EDN1: variants seen among roughly 807,000 people sequenced by gnomAD.
The protein encoded by EDN1 is endothelin 1.
A neutral mutation model predicts 21.7 loss-of-function variants in EDN1; 11 were observed. That is an observed-to-expected ratio of 0.51 (90% CI 0.32 to 0.84). The LOEUF is 0.84. EDN1 is among the 40% of genes least tolerant of loss of function. The pLI is 0.03. For missense variants in EDN1, 244 were observed against 262.3 expected (o/e 0.93, Z 0.48); for synonymous variants, 85 against 90.6 (o/e 0.94, Z 0.35).
chr6:12,274,447 A>G, the EDN1 span, among the ~76,000 whole-genome samples: 1 of 152,216 alleles, frequency 6.6e-6, no homozygotes, highest in Non-Finnish European at 1.5e-5. Context: ...GTAATAGCAC[A>G]TACCTCCCTG....
chr6:12,277,365 G>A, the EDN1 span, among the ~76,000 whole-genome samples: 4,829 of 152,272 alleles, frequency 0.032, 88 homozygotes, highest in Middle Eastern at 0.058. Flanking sequence ...CACCAACTAC[G>A]CACCAGGTAC....
the EDN1 span, among the ~76,000 whole-genome samples, chr6:12,284,000 A>G: frequency 1.3e-5 from 2 of 152,146 alleles, no homozygotes; most frequent in Non-Finnish European, 2.9e-5. Flanking sequence ...TCCTCACCCC[A>G]ATCATTGTTT....
the EDN1 span, among the ~76,000 whole-genome samples, chr6:12,274,136 C>G: frequency 0.033 from 5,099 of 152,262 alleles, 302 homozygotes; most frequent in African/African-American, 0.12. Flanking sequence ...GTCCTTTGCC[C>G]AGTGATTTTT....
the EDN1 span, among the ~76,000 whole-genome samples, chr6:12,252,787 C>T: frequency 2.0e-5 from 3 of 152,034 alleles, no homozygotes; most frequent in Non-Finnish European, 4.4e-5. Context: ...CTATAAGCCA[C>T]GTGCTCTGCA....
At chr6:12,286,105 G>A (rs569570552), upstream of EDN1, among the ~76,000 whole-genome samples, 1 of 152,298 alleles carries the variant, frequency 6.6e-6, no homozygotes, top group Admixed American at 6.5e-5. Flanking sequence ...AAAATGTACA[G>A]GTGGCACCCA....
At chr6:12,234,426 A>G in the EDN1 span, among the ~76,000 whole-genome samples, 1 of 152,236 alleles carries the variant, frequency 6.6e-6, no homozygotes, top group African/African-American at 2.4e-5. Context: ...CTAGATATGT[A>G]TAGTAAGTAG....
At chr6:12,243,482 T>A in the EDN1 span, among the ~76,000 whole-genome samples, 4 of 152,168 alleles carry the variant, frequency 2.6e-5, no homozygotes, top group Non-Finnish European at 5.9e-5. Flanking sequence ...CAACCCATGT[T>A]ATTCAAGGGT....
chr6:12,279,721 T>G, the EDN1 span, among the ~76,000 whole-genome samples: 1 of 152,176 alleles, frequency 6.6e-6, no homozygotes, highest in Non-Finnish European at 1.5e-5. Context: ...AAAAAAACTA[T>G]CTGGTGAAAT....
chr6:12,285,408 T>G (rs1326581857), upstream of EDN1, among the ~76,000 whole-genome samples: 1 of 152,122 alleles, frequency 6.6e-6, no homozygotes, highest in East Asian at 1.9e-4. Flanking sequence ...TGTGGAATAT[T>G]TGAAAGTTAT....
chr6:12,296,052 C>T lies in EDN1; in HGVS notation c.624C>T (p.Asn208=), dbSNP rs1274708059. The T allele has an allele frequency of 1.9e-6, 3 of 1,613,918 alleles. No homozygotes were observed. The African/African-American group carries it at 4.0e-5, about 22-fold the overall frequency. ...CCAGAGAGCGTTATGTGACCCACAA[C>T]CGAGCACATTGGTGACAGACCTTCG... ...KPSRERYVTH[N]RAHW is the part of the protein sequence containing the mutation. Residue 208 remains asparagine (N), a synonymous_variant, in exon 5 of 5, where the codon AAC becomes AAT. Transcript: ENST00000379375.
the EDN1 span, among the ~76,000 whole-genome samples, chr6:12,283,064 A>G: frequency 3.3e-5 from 5 of 152,238 alleles, no homozygotes; most frequent in African/African-American, 4.8e-5. Flanking sequence ...AAAAGAACAA[A>G]TGGAAAAAAG....
chr6:12,282,636 C>T, the EDN1 span, among the ~76,000 whole-genome samples: 3 of 152,158 alleles, frequency 2.0e-5, no homozygotes, highest in Non-Finnish European at 4.4e-5. Context: ...AAAAGTAAGT[C>T]TTCAGTACTG....
At chr6:12,282,524 A>G in the EDN1 span, among the ~76,000 whole-genome samples, 1 of 152,218 alleles carries the variant, frequency 6.6e-6, no homozygotes, top group South Asian at 2.1e-4. Context: ...CTCACACTCC[A>G]GGAAGAAGGG....
At chr6:12,285,076 A>G in the EDN1 span, among the ~76,000 whole-genome samples, 7 of 152,180 alleles carry the variant, frequency 4.6e-5, no homozygotes, top group Non-Finnish European at 1.0e-4. Context: ...ATATGATTCT[A>G]ATATTAATAA....
Position 12,296,273 on chromosome 6 carries a change from GCTTTGGTCTCTT to G in EDN1, c.*211_*222del. 1.8e-6 allele frequency: 1 copy of G among 551,798 alleles called. No individual in the cohort carries two copies. 34.2% of individuals were successfully genotyped at this position (551,798 alleles called of 1,614,324 possible). On this transcript the variant is annotated 3_prime_UTR_variant, in exon 5 of 5. Transcript: ENST00000379375. ...TCACTGGCTTCCATCAGTGGTAACT[GCTTTGGTCTCTT>G]CTTTCATCTGGGGATGACAATGGAC...
chr6:12,284,567 C>A, the EDN1 span, among the ~76,000 whole-genome samples: 3 of 107,202 alleles, frequency 2.8e-5, no homozygotes, highest in African/African-American at 7.8e-5. Context: ...GAAGGAAAAG[C>A]AAGCAAGCAA....
the EDN1 span, among the ~76,000 whole-genome samples, chr6:12,278,159 A>G: frequency 8.9e-4 from 136 of 152,356 alleles, no homozygotes; most frequent in African/African-American, 3.2e-3. Flanking sequence ...GCTAAAAAGT[A>G]TCTAGGAAGA....
the EDN1 span, among the ~76,000 whole-genome samples, chr6:12,282,751 A>G: frequency 6.6e-6 from 1 of 152,190 alleles, no homozygotes; most frequent in Non-Finnish European, 1.5e-5. Context: ...CATTTCTCTA[A>G]AATAAACCAA....
the EDN1 span, among the ~76,000 whole-genome samples, chr6:12,256,526 CT>C: frequency 2.0e-5 from 3 of 152,186 alleles, no homozygotes; most frequent in African/African-American, 7.2e-5. Flanking sequence ...CCTGGGGTCC[CT>C]TTGCTGGAGC....
Sources: gnomAD v4.1 joint callset for allele counts (sites outside exome capture counted in the v4.1 genomes callset) on GRCh38, gnomAD v4.1.1 for gene constraint, MANE v1.5 for transcripts, NCBI Gene and HGNC (gene_info 2026-07-23, HGNC 2026-07-21) for gene names.